CDH9: variants seen among roughly 807,000 people sequenced by gnomAD.
The protein encoded by CDH9 is cadherin 9.
In CDH9, 28 loss-of-function variants were observed where a neutral mutation model predicts 70.9. That is an observed-to-expected ratio of 0.40 (90% CI 0.29 to 0.54). CDH9 has a LOEUF of 0.54. Ranked by LOEUF, CDH9 falls within the 20% of genes least tolerant of loss-of-function variation. The pLI is 0.59. For synonymous variants in CDH9, 409 were observed against 343.1 expected (o/e 1.19, Z -2.12); for missense variants, 874 against 984.4 (o/e 0.89, Z 1.50).
intron 2 of CDH9, 51 bp downstream of exon 2, chr5:26,988,055 A>G: frequency 7.4e-7 from 1 of 1,355,050 alleles, no homozygotes; most frequent in South Asian, 1.3e-5. Context: ...CTGGAAAAAA[A>G]TAAATAGCTG....
intron 9 of CDH9, among the ~76,000 whole-genome samples, chr5:26,887,762 G>T (rs956702356): frequency 4.6e-5 from 7 of 152,070 alleles, no homozygotes; most frequent in Admixed American, 3.3e-4. Context: ...GTCCTCATAA[G>T]AAGAAGCAAG....
intron 2 of CDH9, among the ~76,000 whole-genome samples, chr5:26,983,659 C>A (rs1742439513): frequency 6.6e-6 from 1 of 152,074 alleles, no homozygotes; most frequent in South Asian, 2.1e-4. Flanking sequence ...AATGTATTTA[C>A]AAATCAAAAG....
intron 1 of CDH9, among the ~76,000 whole-genome samples, chr5:27,030,658 A>G (rs1201710988): frequency 4.6e-5 from 7 of 151,912 alleles, no homozygotes; most frequent in African/African-American, 1.7e-4. Context: ...ATTTATGCTC[A>G]ATTTGTTAGA....
intron 2 of CDH9, among the ~76,000 whole-genome samples, chr5:26,954,808 C>A (rs540633966): frequency 7.3e-4 from 111 of 152,132 alleles, no homozygotes; most frequent in African/African-American, 2.6e-3. Context: ...TAAAATAAAT[C>A]TAACAAAATT....
chr5:26,970,734 A>C (rs949942619), intron 2 of CDH9, among the ~76,000 whole-genome samples: 2 of 151,320 alleles, frequency 1.3e-5, no homozygotes, highest in African/African-American at 2.5e-5. Context: ...ATATTTACAT[A>C]GGCTAGACCT....
intron 7 of CDH9, among the ~76,000 whole-genome samples, chr5:26,892,582 C>T (rs1167048779): frequency 6.6e-6 from 1 of 152,122 alleles, no homozygotes; most frequent in Non-Finnish European, 1.5e-5. Flanking sequence ...TATGAACTCC[C>T]TTTTGATCAA....
intron 6 of CDH9, 105 bp from the exon 7 acceptor site, chr5:26,902,834 C>T: frequency 1.6e-6 from 1 of 631,592 alleles, no homozygotes; most frequent in South Asian, 2.0e-5. Context: ...ACCAACAATT[C>T]TATTTAAATG....
At chr5:27,027,502 C>T (rs933852376) in intron 1 of CDH9, among the ~76,000 whole-genome samples, 5 of 151,846 alleles carry the variant, frequency 3.3e-5, no homozygotes, top group Admixed American at 6.6e-5. Flanking sequence ...CTCATAAAAC[C>T]CTACAATGTA....
At chr5:26,930,081 C>A (rs778083543) in intron 2 of CDH9, among the ~76,000 whole-genome samples, 31 of 151,910 alleles carry the variant, frequency 2.0e-4, no homozygotes, top group Non-Finnish European at 4.0e-4. Flanking sequence ...GCATTGTATG[C>A]CTGTATCAAA....
intron 1 of CDH9, among the ~76,000 whole-genome samples, chr5:27,005,553 A>G (rs955500656): frequency 6.6e-6 from 1 of 152,056 alleles, no homozygotes; most frequent in Non-Finnish European, 1.5e-5. Flanking sequence ...AAGCAAACAC[A>G]TGCACTGATG....
At chr5:27,016,099 G>C (rs1159165876) in intron 1 of CDH9, among the ~76,000 whole-genome samples, 1 of 151,702 alleles carries the variant, frequency 6.6e-6, no homozygotes, top group Non-Finnish European at 1.5e-5. Context: ...CTTTTGAACA[G>C]CTGTTTTCTC....
intron 7 of CDH9, among the ~76,000 whole-genome samples, chr5:26,901,700 T>G (rs1178612030): frequency 1.3e-5 from 2 of 151,834 alleles, no homozygotes; most frequent in Non-Finnish European, 2.9e-5. Context: ...CCACCTATCA[T>G]TATTCATCCC....
intron 1 of CDH9, among the ~76,000 whole-genome samples, chr5:26,992,512 C>T (rs1380688901): frequency 6.6e-6 from 1 of 152,144 alleles, no homozygotes; most frequent in Non-Finnish European, 1.5e-5. Flanking sequence ...ACTTCCCAGG[C>T]TTCAGTACAG....
intron 1 of CDH9, among the ~76,000 whole-genome samples, chr5:26,993,220 A>G (rs1488900240): frequency 1.3e-5 from 2 of 152,184 alleles, no homozygotes; most frequent in Non-Finnish European, 2.9e-5. Context: ...ATTGTTGGAA[A>G]TTTGAGAAAA....
At chr5:26,998,736 A>T (rs998416482) in intron 1 of CDH9, among the ~76,000 whole-genome samples, 45 of 152,196 alleles carry the variant, frequency 3.0e-4, no homozygotes, top group African/African-American at 8.9e-4. Context: ...ATAATAATAA[A>T]AAAAAAAGAA....
intron 2 of CDH9, among the ~76,000 whole-genome samples, chr5:26,969,659 G>T (rs766872977): frequency 2.0e-5 from 3 of 152,038 alleles, no homozygotes; most frequent in Non-Finnish European, 4.4e-5. Context: ...AAACTGAAAT[G>T]TCACAGAGAA....
At chr5:26,976,431 CAG>C (rs1387044571) in intron 2 of CDH9, among the ~76,000 whole-genome samples, 2 of 151,032 alleles carry the variant, frequency 1.3e-5, no homozygotes, top group African/African-American at 4.9e-5. Flanking sequence ...GGTTATTTTA[CAG>C]TCCTCTAATT....
chr5:26,989,413 G>C (rs1411291058), intron 1 of CDH9, among the ~76,000 whole-genome samples: 1 of 151,884 alleles, frequency 6.6e-6, no homozygotes, highest in Admixed American at 6.6e-5. Flanking sequence ...GTGTGGAAAA[G>C]AAAATAACAA....
chr5:26,934,519 A>T (rs2112027975), intron 2 of CDH9, among the ~76,000 whole-genome samples: 1 of 152,256 alleles, frequency 6.6e-6, no homozygotes, highest in East Asian at 1.9e-4. Flanking sequence ...GCACCAAGTC[A>T]TTAGTGAGGG....
Sources: allele counts gnomAD v4.1 joint callset (sites outside exome capture counted in the v4.1 genomes callset), GRCh38; gene constraint gnomAD v4.1.1; transcripts MANE v1.5; gene names NCBI Gene and HGNC (gene_info 2026-07-23, HGNC 2026-07-21).